The following ABLIM3 variants were observed in gnomAD, a reference collection of about 807,000 sequenced individuals.
ABLIM3 encodes actin binding LIM protein family member 3.
Under a neutral mutation model 109.5 loss-of-function variants are expected in ABLIM3, and 61 were observed. The observed-to-expected ratio is 0.56, with a 90% CI of 0.45 to 0.69. The LOEUF (loss-of-function observed/expected upper bound fraction) is 0.69, where lower values mean the gene tolerates loss of function less well. Ranked by LOEUF, ABLIM3 falls within the 30% of genes least tolerant of loss-of-function variation. The probability of loss-of-function intolerance (pLI) is 0.00; values close to 1 mark genes in which losing one functional copy is unlikely to be tolerated. For missense variants in ABLIM3, 796 were observed against 889.5 expected, an observed-to-expected ratio of 0.89 and a Z score of 1.34; for synonymous variants, 300 against 324.8, an observed-to-expected ratio of 0.92 and a Z score of 0.82.
intron 2 of ABLIM3, among the ~76,000 whole-genome samples, chr5:149,154,914 A>G (rs988271572): frequency 2.0e-5 from 3 of 152,236 alleles, no homozygotes; most frequent in Non-Finnish European, 4.4e-5. Flanking sequence ...GGACACTGAC[A>G]TTGTTCTCAT....
intron 3 of ABLIM3, among the ~76,000 whole-genome samples, chr5:149,193,192 G>T (rs1478517393): frequency 1.3e-5 from 2 of 152,080 alleles, no homozygotes; most frequent in African/African-American, 4.8e-5. Context: ...AGTGCTTTTA[G>T]ATTATTGTGG....
chr5:149,234,518 A>G (rs1383607617), intron 10 of ABLIM3, among the ~76,000 whole-genome samples: 1 of 152,200 alleles, frequency 6.6e-6, no homozygotes. Context: ...GATAATGCCC[A>G]TTGATGGGAC....
chr5:149,157,883 T>C (rs1457380317), intron 2 of ABLIM3, among the ~76,000 whole-genome samples: 1 of 152,166 alleles, frequency 6.6e-6, no homozygotes, highest in Non-Finnish European at 1.5e-5. Flanking sequence ...CTCTTTTTGC[T>C]TAAACTGGTT....
rs80000442 is a variant in ABLIM3 at position 149,199,379 on chromosome 5, G to C, written c.336-937G>C. ...GAGTTTCTGATTGAGACTAATGACA[G>C]AGTGTGTAAGAAAACATAATCCCCT... On this transcript the variant is annotated intron_variant, in intron 4 of 23. Coordinates refer to ENST00000309868, the MANE Select transcript of ABLIM3 (RefSeq NM_014945.5). Among the ~76,000 whole-genome samples, 1,480 of 152,308 alleles carry C rather than the reference G, an allele frequency of 9.7e-3. 18 individuals are homozygous for C. Among genetic ancestry groups the C allele is most frequent in the African/African-American group, 0.034 (1,415 of 41,554 alleles).
chr5:149,148,692 G>A (rs1753153091), intron 2 of ABLIM3, among the ~76,000 whole-genome samples: 2 of 152,332 alleles, frequency 1.3e-5, no homozygotes, highest in Middle Eastern at 3.4e-3. Flanking sequence ...AAGCCTGTAA[G>A]GCCCGATGTG....
intron 8 of ABLIM3, chr5:149,219,477 C>A: frequency 6.6e-6 from 1 of 152,340 alleles, no homozygotes. Context: ...AAGTGCCAAC[C>A]CTCATTGTAG....
At chr5:149,172,695 A>G (rs2127462300) in intron 2 of ABLIM3, among the ~76,000 whole-genome samples, 1 of 152,210 alleles carries the variant, frequency 6.6e-6, no homozygotes, top group South Asian at 2.1e-4. Flanking sequence ...CATGGCCATA[A>G]TCCCCTGAGG....
chr5:149,256,093 G>A (rs1581258473), intron 23 of ABLIM3, among the ~76,000 whole-genome samples: 1 of 152,232 alleles, frequency 6.6e-6, no homozygotes, highest in East Asian at 1.9e-4. Flanking sequence ...CAGATGGACA[G>A]TAGTGGCATT....
intron 3 of ABLIM3, among the ~76,000 whole-genome samples, chr5:149,193,988 T>C (rs539907329): frequency 1.4e-4 from 21 of 152,288 alleles, no homozygotes; most frequent in African/African-American, 4.8e-4. Flanking sequence ...GAAGACAATA[T>C]AGGAGATACC....
chr5:149,240,842 A>AC, intron 14 of ABLIM3, 68 bp downstream of exon 14: 1 of 1,452,878 alleles, frequency 6.9e-7, no homozygotes, highest in Non-Finnish European at 9.6e-7. Context: ...TGCCTGAGTC[A>AC]CCCCCTCGAT....
Position 149,237,438 on chromosome 5 carries a change from T to C in ABLIM3, c.889-10T>C. 1.2e-6 allele frequency: 2 copies of C among 1,613,470 alleles called. No homozygotes were observed. Among genetic ancestry groups the C allele is most frequent in the Non-Finnish European group, 1.7e-6 (2 of 1,179,708 alleles). On this transcript the variant is annotated splice_polypyrimidine_tract_variant and intron_variant, in intron 10 of 23. Transcript: ENST00000309868. The stretch of plus-strand genomic sequence containing the variant: ...TCTATTCCTTTCCTGTCCATTTCCC[T>C]CTTCCCTAGGCTAAAGTGGATAATG...
Position 149,249,713 on chromosome 5 carries a change from G to A in ABLIM3, c.1700-102G>A, listed in dbSNP as rs577553498. The A allele has an allele frequency of 1.2e-5, 17 of 1,433,116 alleles. No individual in the cohort carries two copies. The South Asian group carries it at 1.9e-4, about 16-fold the overall frequency. The allele number at this position is 1,433,116 out of a possible 1,614,324, so 88.8% of individuals were successfully genotyped here. A position where few individuals can be genotyped will look rare whatever the true frequency, so the allele number is the denominator to read the frequency against. ...GAGGCCCCTTTTCCCAGCCAGCCAG[G>A]GGGATCGGGTATGGAAGCCACATCT... On this transcript the variant is annotated intron_variant, in intron 18 of 23. Coordinates refer to ENST00000309868, the MANE Select transcript of ABLIM3 (RefSeq NM_014945.5).
chr5:149,155,967 C>T (rs1259795663), intron 2 of ABLIM3, among the ~76,000 whole-genome samples: 1 of 152,232 alleles, frequency 6.6e-6, no homozygotes, highest in Non-Finnish European at 1.5e-5. Context: ...TCCCCAGCAA[C>T]ACATACCTCA....
intron 2 of ABLIM3, among the ~76,000 whole-genome samples, chr5:149,173,856 A>C (rs970654238): frequency 6.6e-6 from 1 of 151,934 alleles, no homozygotes; most frequent in Non-Finnish European, 1.5e-5. Flanking sequence ...CCCGTCTCTA[A>C]TAAAAATACA....
chr5:149,192,004 A>G (rs1296961112), intron 3 of ABLIM3, among the ~76,000 whole-genome samples: 2 of 152,154 alleles, frequency 1.3e-5, no homozygotes, highest in Admixed American at 6.5e-5. Context: ...TATTTTTAAA[A>G]CTAGGAGGAA....
chr5:149,192,041 A>C (rs1239217997), intron 3 of ABLIM3, among the ~76,000 whole-genome samples: 8 of 152,128 alleles, frequency 5.3e-5, no homozygotes, highest in Non-Finnish European at 1.2e-4. Context: ...TAATTGATAG[A>C]TTATGTATAC....
chr5:149,144,993 A>G (rs550098013), intron 2 of ABLIM3, among the ~76,000 whole-genome samples: 1 of 152,234 alleles, frequency 6.6e-6, no homozygotes, highest in Admixed American at 6.5e-5. Context: ...TTTAAATTTC[A>G]ACTTTTATTT....
chr5:149,208,075 T>C (rs1329061389), intron 6 of ABLIM3, among the ~76,000 whole-genome samples: 2 of 152,206 alleles, frequency 1.3e-5, no homozygotes, highest in Non-Finnish European at 2.9e-5. Flanking sequence ...GACCCTGCAG[T>C]CTAATACGGG....
At chr5:149,248,859 G>GACACACACACACACACACACAC (rs55707887) in intron 18 of ABLIM3, among the ~76,000 whole-genome samples, 5 of 144,602 alleles carry the variant, frequency 3.5e-5, no homozygotes, top group African/African-American at 1.3e-4. Context: ...CCTATTCCTG[G>GACACACACACACACACACACAC]ACACACACAC....
Sources: gnomAD v4.1 joint callset for allele counts (sites outside exome capture counted in the v4.1 genomes callset) on GRCh38, gnomAD v4.1.1 for gene constraint, MANE v1.5 for transcripts, NCBI Gene and HGNC (gene_info 2026-07-23, HGNC 2026-07-21) for gene names.